Variants in SPOCK1 observed in about 807,000 individuals in gnomAD.
SPOCK1 encodes the protein SPARC (osteonectin), cwcv and kazal like domains proteoglycan 1.
SPOCK1 carries 23 observed loss-of-function variants against 55.3 expected under a neutral mutation model. That is an observed-to-expected ratio of 0.42 (90% CI 0.30 to 0.59). The LOEUF (loss-of-function observed/expected upper bound fraction) is 0.59. Among genes scored for constraint, SPOCK1 ranks in the 20% least tolerant of loss-of-function variants. The pLI is 0.22. For synonymous variants in SPOCK1, 226 were observed against 221.0 expected (o/e 1.02, Z -0.20); for missense variants, 499 against 552.5 (o/e 0.90, Z 0.97).
chr5:137,159,915 A>G (rs1241653243), intron 3 of SPOCK1, among the ~76,000 whole-genome samples: 4 of 152,070 alleles, frequency 2.6e-5, no homozygotes, highest in Non-Finnish European at 4.4e-5. Context: ...TCTATATTTT[A>G]TTGGAAATCT....
chr5:137,310,193 A>G (rs370760747), intron 2 of SPOCK1, among the ~76,000 whole-genome samples: 9 of 152,360 alleles, frequency 5.9e-5, no homozygotes, highest in African/African-American at 2.2e-4. Context: ...GAGTCTTAAA[A>G]GGATTAAATG....
intron 5 of SPOCK1, among the ~76,000 whole-genome samples, chr5:137,094,374 T>C (rs1753103575): frequency 6.6e-6 from 1 of 152,166 alleles, no homozygotes; most frequent in African/African-American, 2.4e-5. Context: ...AAAATTCAAG[T>C]ACAGGCAAAC....
At chr5:137,272,858 C>G (rs1268446423) in intron 2 of SPOCK1, among the ~76,000 whole-genome samples, 1 of 151,824 alleles carries the variant, frequency 6.6e-6, no homozygotes, top group Non-Finnish European at 1.5e-5. Context: ...TAAATCACAT[C>G]AAATATAAGT....
intron 2 of SPOCK1, among the ~76,000 whole-genome samples, chr5:137,302,448 G>A (rs1323158340): frequency 2.6e-5 from 4 of 150,964 alleles, no homozygotes; most frequent in East Asian, 3.9e-4. Flanking sequence ...GTGGTGGCAC[G>A]CACCTGTAGT....
chr5:137,271,800 TG>T (rs148054608), intron 2 of SPOCK1, among the ~76,000 whole-genome samples: 130,698 of 151,848 alleles, frequency 0.86, 56,611 homozygotes, highest in African/African-American at 0.95. Flanking sequence ...ATAATGTAAT[TG>T]TATCAGCTTC....
chr5:137,433,899 A>T (rs554779384), intron 2 of SPOCK1, among the ~76,000 whole-genome samples: 1 of 152,246 alleles, frequency 6.6e-6, no homozygotes, highest in Non-Finnish European at 1.5e-5. Context: ...AATCAAAAAA[A>T]AGTATTCAAT....
intron 3 of SPOCK1, among the ~76,000 whole-genome samples, chr5:137,193,828 C>A (rs1485658848): frequency 2.0e-5 from 3 of 152,186 alleles, no homozygotes; most frequent in South Asian, 2.1e-4. Flanking sequence ...TCTGGCTGCC[C>A]CAGAGAAGTT....
At chr5:137,437,490 A>C (rs2149830968) in intron 2 of SPOCK1, among the ~76,000 whole-genome samples, 1 of 152,252 alleles carries the variant, frequency 6.6e-6, no homozygotes, top group African/African-American at 2.4e-5. Context: ...TGCAACTATC[A>C]CCACAATGGA....
At chr5:137,369,874 C>G (rs561160459) in intron 2 of SPOCK1, among the ~76,000 whole-genome samples, 1 of 152,244 alleles carries the variant, frequency 6.6e-6, no homozygotes, top group South Asian at 2.1e-4. Context: ...TAATCAAAAC[C>G]TAATCACCTC....
At chr5:137,008,377 A>G (rs1444806475) in intron 6 of SPOCK1, among the ~76,000 whole-genome samples, 1 of 151,792 alleles carries the variant, frequency 6.6e-6, no homozygotes, top group Non-Finnish European at 1.5e-5. Context: ...AGGAGAGGTA[A>G]AAGGAATAAG....
chr5:137,151,617 C>T (rs1404557322), intron 3 of SPOCK1, among the ~76,000 whole-genome samples: 3 of 152,162 alleles, frequency 2.0e-5, no homozygotes, highest in African/African-American at 7.2e-5. Flanking sequence ...TCTTGCAGGA[C>T]CAGAAAGCAG....
At chr5:137,028,492 C>A (rs1350773830) in intron 6 of SPOCK1, among the ~76,000 whole-genome samples, 2 of 152,086 alleles carry the variant, frequency 1.3e-5, no homozygotes, top group African/African-American at 2.4e-5. Context: ...AGCTTGCTGC[C>A]AGCATCCCAG....
At chr5:137,192,022 C>T (rs1755189714) in intron 3 of SPOCK1, among the ~76,000 whole-genome samples, 1 of 151,852 alleles carries the variant, frequency 6.6e-6, no homozygotes, top group Non-Finnish European at 1.5e-5. Context: ...ATTGCCTAAG[C>T]TCAGGAGTTC....
At chr5:137,330,368 C>T (rs1489981978) in intron 2 of SPOCK1, among the ~76,000 whole-genome samples, 1 of 152,200 alleles carries the variant, frequency 6.6e-6, no homozygotes, top group Non-Finnish European at 1.5e-5. Flanking sequence ...CTGACACTAC[C>T]TCTTTAGATT....
intron 2 of SPOCK1, among the ~76,000 whole-genome samples, chr5:137,303,090 C>T (rs899377087): frequency 6.6e-6 from 1 of 152,156 alleles, no homozygotes; most frequent in East Asian, 1.9e-4. Flanking sequence ...GGAAGAATCA[C>T]GGGACTCTGA....
chr5:137,165,993 GTTCA>G (rs779454444), intron 3 of SPOCK1, among the ~76,000 whole-genome samples: 4 of 152,044 alleles, frequency 2.6e-5, no homozygotes, highest in Non-Finnish European at 4.4e-5. Flanking sequence ...GGGGTAGAAA[GTTCA>G]TTCAAAGTGA....
chr5:137,454,132 ACAG>A (rs1753316355), intron 2 of SPOCK1, among the ~76,000 whole-genome samples: 1 of 152,198 alleles, frequency 6.6e-6, no homozygotes, highest in Non-Finnish European at 1.5e-5. Flanking sequence ...ATAAATCTCT[ACAG>A]GATAAAATAG....
At chr5:137,356,836 T>TAGAG (rs1352078666) in intron 2 of SPOCK1, among the ~76,000 whole-genome samples, 16 of 8,778 alleles carry the variant, frequency 1.8e-3, no homozygotes, top group Admixed American at 2.9e-3. Flanking sequence ...TATATATATA[T>TAGAG]ATAGAGAGAG....
intron 2 of SPOCK1, among the ~76,000 whole-genome samples, chr5:137,333,630 A>T (rs1436858546): frequency 6.6e-6 from 1 of 152,248 alleles, no homozygotes; most frequent in Non-Finnish European, 1.5e-5. Context: ...AGGCCAAGAC[A>T]GTAAGAGATC....
Sources: allele counts gnomAD v4.1 joint callset (sites outside exome capture counted in the v4.1 genomes callset), GRCh38; gene constraint gnomAD v4.1.1; transcripts MANE v1.5; gene names NCBI Gene and HGNC (gene_info 2026-07-23, HGNC 2026-07-21).